The following PLPPR1 variants were observed in gnomAD, a reference collection of about 807,000 sequenced individuals.
PLPPR1 encodes the protein phospholipid phosphatase related 1.
A neutral mutation model predicts 33.1 loss-of-function variants in PLPPR1; 10 were observed. The ratio of observed to expected loss-of-function variants is 0.30; its 90% CI spans 0.19 to 0.51. The LOEUF (loss-of-function observed/expected upper bound fraction) is 0.51, where lower values mean the gene tolerates loss of function less well. Ranked by LOEUF, PLPPR1 falls within the 20% of genes least tolerant of loss-of-function variation. The pLI, the probability that PLPPR1 is intolerant of heterozygous loss-of-function variation, is 0.97. For synonymous variants in PLPPR1, 151 were observed against 151.0 expected (o/e 1.00, Z 0.00); for missense variants, 304 against 408.1 (o/e 0.74, Z 2.20).
chr9:101,212,586 T>C (rs1826710686), intron 2 of PLPPR1, among the ~76,000 whole-genome samples: 1 of 152,224 alleles, frequency 6.6e-6, no homozygotes, highest in African/African-American at 2.4e-5. Context: ...AGTACAATAA[T>C]GAGTCCAGTG....
At chr9:101,268,311 A>C (rs148644416) in intron 2 of PLPPR1, among the ~76,000 whole-genome samples, 220 of 152,240 alleles carry the variant, frequency 1.4e-3, no homozygotes, top group African/African-American at 5.1e-3. Context: ...AAATGATGCT[A>C]ATCTGCTACT....
chr9:101,091,746 A>T (rs1830744518), intron 1 of PLPPR1, among the ~76,000 whole-genome samples: 1 of 152,168 alleles, frequency 6.6e-6, no homozygotes, highest in African/African-American at 2.4e-5. Context: ...GGTAGTTATT[A>T]TTCTGCCTAC....
chr9:101,040,843 T>C (rs1830068761), intron 1 of PLPPR1, among the ~76,000 whole-genome samples: 1 of 152,192 alleles, frequency 6.6e-6, no homozygotes, highest in South Asian at 2.1e-4. Context: ...TTGTCCATTG[T>C]TATACCTCCA....
At chr9:101,238,380 G>A (rs935343030) in intron 2 of PLPPR1, among the ~76,000 whole-genome samples, 3 of 139,740 alleles carry the variant, frequency 2.1e-5, no homozygotes, top group Non-Finnish European at 3.1e-5. Context: ...TATATATAGG[G>A]TATATATATA....
chr9:101,167,817 G>A (rs1233996082), intron 1 of PLPPR1, among the ~76,000 whole-genome samples: 1 of 152,114 alleles, frequency 6.6e-6, no homozygotes, highest in East Asian at 1.9e-4. Context: ...CATCATTCTT[G>A]TATTAGTCTG....
rs573157871 is a variant in PLPPR1, at chr9:101,248,066, G to T, written c.64-21814G>T. Among the ~76,000 whole-genome samples, 17 of 152,170 alleles carry T rather than the reference G, an allele frequency of 1.1e-4. 1 individual carries two copies. In the South Asian group the frequency reaches 3.5e-3, roughly 32 times the overall value. On this transcript the variant is annotated intron_variant, in intron 2 of 7. Transcript: ENST00000374874. The stretch of plus-strand genomic sequence containing the variant: ...GATCTACTTCTGGAGACAGTAGAGG[G>T]TGAGGTATAAGGTGTCAGGTGATGA...
intron 1 of PLPPR1, among the ~76,000 whole-genome samples, chr9:101,067,118 A>G (rs888688337): frequency 6.6e-6 from 1 of 151,972 alleles, no homozygotes; most frequent in Non-Finnish European, 1.5e-5. Flanking sequence ...TTCATTTGCA[A>G]TGATGCCTCA....
chr9:101,238,299 ATATATAGGGTATG>A (rs938165615), intron 2 of PLPPR1, among the ~76,000 whole-genome samples: 8 of 136,590 alleles, frequency 5.9e-5, no homozygotes, highest in Non-Finnish European at 1.1e-4. Flanking sequence ...TACCCTATAT[ATATATAGGGTATG>A]TATATAGGAT....
intron 1 of PLPPR1, among the ~76,000 whole-genome samples, chr9:101,177,986 T>C (rs528826683): frequency 1.3e-5 from 2 of 152,212 alleles, no homozygotes; most frequent in Non-Finnish European, 2.9e-5. Flanking sequence ...TAAAAATGGC[T>C]AACTAGTAAA....
intron 1 of PLPPR1, among the ~76,000 whole-genome samples, chr9:101,140,367 C>A (rs1272759215): frequency 6.6e-6 from 1 of 151,996 alleles, no homozygotes; most frequent in African/African-American, 2.4e-5. Flanking sequence ...TGTTACTGAG[C>A]AGAAAAGTTG....
intron 1 of PLPPR1, among the ~76,000 whole-genome samples, chr9:101,150,070 C>T (rs891733477): frequency 6.6e-6 from 1 of 151,984 alleles, no homozygotes; most frequent in African/African-American, 2.4e-5. Context: ...TATATATGTG[C>T]TTTTAATGGG....
intron 1 of PLPPR1, among the ~76,000 whole-genome samples, chr9:101,175,215 C>G (rs1030721215): frequency 6.6e-6 from 1 of 152,068 alleles, no homozygotes. Flanking sequence ...TCTAACAAAC[C>G]TTTACTTATG....
intron 4 of PLPPR1, among the ~76,000 whole-genome samples, chr9:101,293,318 C>G (rs1204091504): frequency 6.6e-6 from 1 of 151,726 alleles, no homozygotes; most frequent in Non-Finnish European, 1.5e-5. Context: ...CCTGAGTGAC[C>G]TACAAGGAGA....
intron 2 of PLPPR1, among the ~76,000 whole-genome samples, chr9:101,238,440 C>T (rs1378283492): frequency 6.8e-6 from 1 of 147,784 alleles, no homozygotes; most frequent in African/African-American, 2.5e-5. Flanking sequence ...CAATGGAATA[C>T]TACTCATCTA....
chr9:101,238,210 AC>A (rs1222471657), intron 2 of PLPPR1, among the ~76,000 whole-genome samples: 1 of 136,764 alleles, frequency 7.3e-6, no homozygotes, highest in Non-Finnish European at 1.6e-5. Context: ...CTATATATAT[AC>A]CTATATATAT....
intron 1 of PLPPR1, among the ~76,000 whole-genome samples, chr9:101,163,986 G>A (rs1350061988): frequency 6.6e-6 from 1 of 152,148 alleles, no homozygotes; most frequent in East Asian, 1.9e-4. Flanking sequence ...AAAAACTCAG[G>A]ACATGTATCA....
At chr9:101,144,824 T>C (rs10119963) in intron 1 of PLPPR1, among the ~76,000 whole-genome samples, 342 of 152,272 alleles carry the variant, frequency 2.2e-3, no homozygotes, top group African/African-American at 7.8e-3. Flanking sequence ...CATAAACTGG[T>C]CTATGTCCAA....
At chr9:101,076,390 T>C (rs1236082369) in intron 1 of PLPPR1, among the ~76,000 whole-genome samples, 3 of 152,188 alleles carry the variant, frequency 2.0e-5, no homozygotes, top group African/African-American at 2.4e-5. Flanking sequence ...TATTGGTACT[T>C]ACTCTTTTAT....
chr9:101,198,356 C>T (rs1345186150), intron 2 of PLPPR1, among the ~76,000 whole-genome samples: 1 of 152,102 alleles, frequency 6.6e-6, no homozygotes, highest in African/African-American at 2.4e-5. Context: ...TTTCAGATAA[C>T]GTAACAGGTT....
Sources: allele counts gnomAD v4.1 joint callset (sites outside exome capture counted in the v4.1 genomes callset), GRCh38; gene constraint gnomAD v4.1.1; transcripts MANE v1.5; gene names NCBI Gene and HGNC (gene_info 2026-07-23, HGNC 2026-07-21).